Variants in SLCO3A1 observed in about 807,000 individuals in gnomAD.
SLCO3A1 encodes PGE1 transporter.
A neutral mutation model predicts 63.1 loss-of-function variants in SLCO3A1; 27 were observed. The observed-to-expected ratio is 0.43, with a 90% CI of 0.32 to 0.59. The LOEUF (loss-of-function observed/expected upper bound fraction) is 0.59. Among genes scored for constraint, SLCO3A1 ranks in the 20% least tolerant of loss-of-function variants. The pLI is 0.09. For missense variants in SLCO3A1, 773 were observed against 945.8 expected, an observed-to-expected ratio of 0.82 and a Z score of 2.40; for synonymous variants, 473 against 409.9, an observed-to-expected ratio of 1.15 and a Z score of -1.86.
At chr15:92,036,202 T>C (rs2046723405) in intron 2 of SLCO3A1, among the ~76,000 whole-genome samples, 1 of 152,202 alleles carries the variant, frequency 6.6e-6, no homozygotes, top group Non-Finnish European at 1.5e-5. Flanking sequence ...AAGTGGATCT[T>C]GCCTGGAGCA....
At chr15:91,990,705 C>A (rs1227070439) in intron 2 of SLCO3A1, among the ~76,000 whole-genome samples, 2 of 152,132 alleles carry the variant, frequency 1.3e-5, no homozygotes, top group African/African-American at 4.8e-5. Flanking sequence ...TCCTGCCTTT[C>A]CAGATATTTT....
Position 92,102,862 on chromosome 15 carries a change from T to C in SLCO3A1, c.746-1417T>C, listed in dbSNP as rs74030482. Among the ~76,000 whole-genome samples, 589 of 152,340 alleles carry C rather than the reference T, an allele frequency of 3.9e-3. 1 individual carries two copies. Among genetic ancestry groups the C allele is most frequent in the African/African-American group, 0.014 (569 of 41,572 alleles). On this transcript the variant is annotated intron_variant, in intron 3 of 9. Transcript: ENST00000318445. ...AACAGAAAGGTGAGAGCGTGGACCT[T>C]GGCATGTGTATACCTGTGTTCCGTT...
intron 2 of SLCO3A1, among the ~76,000 whole-genome samples, chr15:91,917,680 G>C (rs1243032290): frequency 6.6e-6 from 1 of 152,230 alleles, no homozygotes; most frequent in African/African-American, 2.4e-5. Flanking sequence ...GCTCAGGCCA[G>C]AGATGGTTAG....
chr15:91,964,993 C>G (rs1011887646), intron 2 of SLCO3A1, among the ~76,000 whole-genome samples: 6 of 152,068 alleles, frequency 3.9e-5, no homozygotes, highest in African/African-American at 2.4e-5. Context: ...GCCATGCCAG[C>G]TTTTGGGAGG....
In SLCO3A1 at chr15:91,883,850, G is replaced by A. The variant is rs924886341; in HGVS notation, c.180+29762G>A. Among the ~76,000 whole-genome samples the A allele has an allele frequency of 2.6e-5, 4 of 152,252 alleles. No individual in the cohort carries two copies. Among genetic ancestry groups the A allele is most frequent in the African/African-American group, 4.8e-5 (2 of 41,548 alleles). On this transcript the variant is annotated intron_variant, in intron 1 of 9. Transcript: ENST00000318445. The surrounding 1 kb of genome is among the most constrained non-coding windows in gnomAD (Gnocchi z 4.8). ...GGGTCCACACCCCGTGCCAGGCACC[G>A]TGTTACATGCATTTCTTCTGCTGTC...
chr15:91,943,521 T>C (rs1442853844), intron 2 of SLCO3A1, among the ~76,000 whole-genome samples: 1 of 152,236 alleles, frequency 6.6e-6, no homozygotes, highest in Non-Finnish European at 1.5e-5. Flanking sequence ...CTATGGCTGC[T>C]GTGAATTAAT....
chr15:92,089,930 C>T (rs979674050), intron 2 of SLCO3A1, among the ~76,000 whole-genome samples: 3 of 152,106 alleles, frequency 2.0e-5, no homozygotes, highest in South Asian at 2.1e-4. Context: ...AAAAGAAATA[C>T]GTAGTAGTTT....
chr15:91,937,368 G>A (rs770988587), intron 2 of SLCO3A1, among the ~76,000 whole-genome samples: 2 of 152,190 alleles, frequency 1.3e-5, no homozygotes, highest in Non-Finnish European at 2.9e-5. Context: ...TGCCCGCAAA[G>A]CATGAAGGGT....
chr15:91,984,361 T>C (rs1313263304), intron 2 of SLCO3A1, among the ~76,000 whole-genome samples: 1 of 152,232 alleles, frequency 6.6e-6, no homozygotes, highest in East Asian at 1.9e-4. Flanking sequence ...GATTCCATCA[T>C]CTTTCTTATC....
intron 2 of SLCO3A1, among the ~76,000 whole-genome samples, chr15:92,079,725 G>C (rs1005411308): frequency 2.0e-5 from 3 of 152,268 alleles, no homozygotes; most frequent in African/African-American, 7.2e-5. Context: ...CTGTTTTCCA[G>C]ATGGAGCTGC....
In SLCO3A1 at chr15:92,120,648, C is replaced by T. The variant is rs1332167200; in HGVS notation, c.1174+19C>T. The T allele has an allele frequency of 6.2e-7, 1 of 1,609,300 alleles. No individual in the cohort carries two copies. Among genetic ancestry groups the T allele is most frequent in the Admixed American group, 1.7e-5 (1 of 59,814 alleles). ...CTGCTTGGTGAGTGTGTCCTCAGGC[C>T]TCCTGAGAGGGTCGGGGGAGGGTGT... is the stretch of plus-strand genomic sequence containing the variant. On this transcript the variant is annotated intron_variant, in intron 5 of 9. Transcript: ENST00000318445.
chr15:92,016,783 G>A (rs1311008658), intron 2 of SLCO3A1, among the ~76,000 whole-genome samples: 1 of 152,192 alleles, frequency 6.6e-6, no homozygotes, highest in Non-Finnish European at 1.5e-5. Flanking sequence ...CATAAAAGGA[G>A]GAGGAGGAGG....
At chr15:91,956,218 A>G (rs72754086) in intron 2 of SLCO3A1, among the ~76,000 whole-genome samples, 9,076 of 152,242 alleles carry the variant, frequency 0.06, 390 homozygotes, top group Non-Finnish European at 0.09. Flanking sequence ...GGCGTTCTAC[A>G]GAATTCCCTG....
At chr15:91,979,225 T>C (rs1901240533) in intron 2 of SLCO3A1, among the ~76,000 whole-genome samples, 1 of 152,198 alleles carries the variant, frequency 6.6e-6, no homozygotes. Flanking sequence ...TATGTGCATG[T>C]GCATGATGAG....
chr15:91,960,157 G>A (rs1405772077), intron 2 of SLCO3A1, among the ~76,000 whole-genome samples: 2 of 152,092 alleles, frequency 1.3e-5, no homozygotes, highest in African/African-American at 4.8e-5. Context: ...CTAACTTTTT[G>A]TATTGTTAGT....
intron 1 of SLCO3A1, among the ~76,000 whole-genome samples, chr15:91,864,916 G>C (rs62010890): frequency 0.21 from 32,452 of 152,076 alleles, 3,668 homozygotes; most frequent in Middle Eastern, 0.3. Flanking sequence ...TCAGTGTCAC[G>C]CCTCACCGTC....
chr15:92,116,594 C>T (rs899902890), intron 4 of SLCO3A1, among the ~76,000 whole-genome samples: 1 of 152,238 alleles, frequency 6.6e-6, no homozygotes, highest in African/African-American at 2.4e-5. Context: ...TCACCAGTTT[C>T]TGTTTGCCTG....
rs1899977567 is a variant in SLCO3A1, at chr15:91,950,965, C to T, written c.646+34507C>T. ...ACTTCATTTGACAGGTGAGCTGAAG[C>T]TATTGTGTGTATTCTCTTAGTAAAG... On this transcript the variant is annotated intron_variant, in intron 2 of 9. Coordinates refer to ENST00000318445, the MANE Select transcript of SLCO3A1 (RefSeq NM_013272.4). This position sits in a 1 kb window ranked among gnomAD's most constrained non-coding sequence, Gnocchi z 4.4. Among the ~76,000 whole-genome samples, 1 of 152,088 alleles carries T rather than the reference C, an allele frequency of 6.6e-6. No individual in the cohort carries two copies. The highest frequency in any genetic ancestry group is 6.5e-5 in the Admixed American group (1 of 15,276).
chr15:91,917,189 C>T (rs567191749), intron 2 of SLCO3A1, among the ~76,000 whole-genome samples: 1 of 152,098 alleles, frequency 6.6e-6, no homozygotes, highest in East Asian at 1.9e-4. Flanking sequence ...GCCAGCCCCG[C>T]ATCTCTATCC....
Sources: gnomAD v4.1 joint callset for allele counts (sites outside exome capture counted in the v4.1 genomes callset) on GRCh38, gnomAD v4.1.1 for gene constraint, Gnocchi (gnomAD v3.1) non-coding constraint, MANE v1.5 for transcripts, NCBI Gene and HGNC (gene_info 2026-07-23, HGNC 2026-07-21) for gene names.